The following FAM222B variants were observed in gnomAD, a reference collection of about 807,000 sequenced individuals.
FAM222B encodes family with sequence similarity 222 member B.
A neutral mutation model predicts 38.0 loss-of-function variants in FAM222B; 12 were observed. That is an observed-to-expected ratio of 0.32 (90% CI 0.20 to 0.51). The LOEUF (loss-of-function observed/expected upper bound fraction) is 0.51. FAM222B is among the 20% of genes least tolerant of loss of function. The pLI is 0.97. For missense variants in FAM222B, 716 were observed against 754.2 expected (o/e 0.95, Z 0.59); for synonymous variants, 329 against 317.2 (o/e 1.04, Z -0.40).
chr17:28,791,556 A>G (rs574682604), intron 1 of FAM222B, among the ~76,000 whole-genome samples: 4 of 151,822 alleles, frequency 2.6e-5, no homozygotes, highest in Middle Eastern at 3.5e-3. Context: ...CGCCATTGGA[A>G]AGCAAAAAAC....
At chr17:28,815,162 T>C (rs1014994265) in intron 1 of FAM222B, among the ~76,000 whole-genome samples, 4 of 152,078 alleles carry the variant, frequency 2.6e-5, no homozygotes, top group African/African-American at 4.8e-5. Context: ...CAGTAGTTAT[T>C]GAGAGAATAA....
At chr17:28,772,921 A>G (rs1187284184) in intron 1 of FAM222B, among the ~76,000 whole-genome samples, 1 of 152,128 alleles carries the variant, frequency 6.6e-6, no homozygotes, top group East Asian at 1.9e-4. Flanking sequence ...AAAAACAGCT[A>G]AACTATGGCA....
At chr17:28,800,188 C>T (rs1380586519) in intron 1 of FAM222B, among the ~76,000 whole-genome samples, 2 of 152,092 alleles carry the variant, frequency 1.3e-5, no homozygotes, top group Non-Finnish European at 2.9e-5. Context: ...TGAGCCACCA[C>T]ACCTGGCTAA....
At chr17:28,768,374 C>T (rs564217458) in intron 1 of FAM222B, among the ~76,000 whole-genome samples, 58 of 152,296 alleles carry the variant, frequency 3.8e-4, no homozygotes, top group Non-Finnish European at 6.0e-4. Flanking sequence ...GTAAAAGAGG[C>T]TGCTCAAACT....
chr17:28,777,256 G>A (rs1365564302), intron 1 of FAM222B: 1 of 152,148 alleles, frequency 6.6e-6, no homozygotes. Context: ...CTGAACACAT[G>A]TGGCTCAAGG....
At chr17:28,779,631 G>C (rs2036073575) in intron 1 of FAM222B, among the ~76,000 whole-genome samples, 1 of 151,874 alleles carries the variant, frequency 6.6e-6, no homozygotes, top group Admixed American at 6.6e-5. Flanking sequence ...GGCGCCTGTA[G>C]TCCCAGCTAC....
chr17:28,766,455 C>T, intron 2 of FAM222B, 131 bp downstream of exon 2: 1 of 708,496 alleles, frequency 1.4e-6, no homozygotes. Context: ...AAGACTTCGT[C>T]TTAAAAAAAA....
At chr17:28,850,302 C>CT (rs970556478) in intron 1 of FAM222B, among the ~76,000 whole-genome samples, 34 of 146,434 alleles carry the variant, frequency 2.3e-4, no homozygotes, top group Admixed American at 5.5e-4. Context: ...ATATGAGTTT[C>CT]TTTTTTTTTT....
At chr17:28,843,616 T>C (rs1567912876), upstream of FAM222B, among the ~76,000 whole-genome samples, 1 of 150,820 alleles carries the variant, frequency 6.6e-6, no homozygotes, top group African/African-American at 2.4e-5. Flanking sequence ...CCTGGCTAAC[T>C]TTTGTATTTT....
intron 1 of FAM222B, among the ~76,000 whole-genome samples, chr17:28,782,564 T>C (rs2036210757): frequency 6.6e-6 from 1 of 152,192 alleles, no homozygotes; most frequent in Non-Finnish European, 1.5e-5. Context: ...TTAAAGGATA[T>C]CTAAAGATAA....
intron 1 of FAM222B, among the ~76,000 whole-genome samples, chr17:28,778,709 A>T (rs1346600268): frequency 2.9e-5 from 2 of 69,996 alleles, no homozygotes; most frequent in African/African-American, 6.3e-5. Context: ...ATATATATAT[A>T]TATATATATA....
At chr17:28,831,969 C>T (rs953526691) in intron 1 of FAM222B, among the ~76,000 whole-genome samples, 1 of 152,112 alleles carries the variant, frequency 6.6e-6, no homozygotes, top group South Asian at 2.1e-4. Flanking sequence ...GAGGGCAGAT[C>T]ACAAGGTGAT....
At chr17:28,842,571 C>T (rs1289495162) in intron 1 of FAM222B, 111 bp downstream of exon 1, 1 of 152,466 alleles carries the variant, frequency 6.6e-6, no homozygotes, top group Non-Finnish European at 1.5e-5. Context: ...CTGTACCTCC[C>T]CCACGCCCTT....
At chr17:28,813,717 T>G (rs1342623189) in intron 1 of FAM222B, among the ~76,000 whole-genome samples, 1 of 151,318 alleles carries the variant, frequency 6.6e-6, no homozygotes, top group Admixed American at 6.6e-5. Context: ...TTTTTTTTTT[T>G]TGTATTTTTT....
rs1487492815 is a variant in FAM222B at position 28,758,859 on chromosome 17, T to C, written c.1100A>G (p.Gln367Arg). 2 of 1,605,884 alleles carry C rather than the reference T, an allele frequency of 1.2e-6. No individual in the cohort carries two copies. Among genetic ancestry groups the C allele is most frequent in the Admixed American group, 3.4e-5 (2 of 58,668 alleles). ...PSDLKPVTWN[Q>R]HQLAHLQQMC... ...CTGCTGTAGGTGGGCCAGCTGGTGC[T>C]GGTTCCAGGTGACTGGCTTGAGGTC... The change falls in exon 3 of 3, where the codon CAG becomes CGG. Residue 367 changes from glutamine (Q) to arginine (R), a missense_variant. Gln to Arg is a conservative substitution (Grantham distance 43). Transcript: ENST00000581407.
At chr17:28,841,198 G>C (rs2039025596) in intron 1 of FAM222B, among the ~76,000 whole-genome samples, 1 of 151,938 alleles carries the variant, frequency 6.6e-6, no homozygotes. Context: ...AGGAGGCTGA[G>C]ACAGGAGAAT....
chr17:28,784,406 C>T (rs2036299156), intron 1 of FAM222B, among the ~76,000 whole-genome samples: 1 of 141,670 alleles, frequency 7.1e-6, no homozygotes, highest in African/African-American at 2.6e-5. Flanking sequence ...AGCTCAGGAG[C>T]CTGAGCTTGC....
At chr17:28,839,377 G>A (rs1038067133) in intron 1 of FAM222B, among the ~76,000 whole-genome samples, 1 of 152,016 alleles carries the variant, frequency 6.6e-6, no homozygotes, top group African/African-American at 2.4e-5. Context: ...CTTCCCCAGG[G>A]AAAGAAATCC....
rs1417384540 is a variant in FAM222B at position 28,758,643 on chromosome 17, G to A, written c.1316C>T (p.Ala439Val). Residue 439 changes from alanine (A) to valine (V), a missense_variant, in exon 3 of 3, where the codon GCA becomes GTA. Physicochemically the swap from Ala to Val is moderately conservative, Grantham distance 64. Transcript: ENST00000581407. ...ACCATTGGGGTAGGCCAATGGGGCT[G>A]CCATGCCGTTGACTGGTGGGGATGG... ...PTPSPPVNGM[A>V]APLAYPNGHY... 6.2e-7 allele frequency: 1 copy of A among 1,611,034 alleles called. No individual in the cohort carries two copies. Among genetic ancestry groups the A allele is most frequent in the South Asian group, 1.1e-5 (1 of 91,026 alleles).
Sources: allele counts gnomAD v4.1 joint callset (sites outside exome capture counted in the v4.1 genomes callset), GRCh38; gene constraint gnomAD v4.1.1; transcripts MANE v1.5; gene names NCBI Gene and HGNC (gene_info 2026-07-23, HGNC 2026-07-21).